The following PTPRN2 variants were observed in gnomAD, a reference collection of about 807,000 sequenced individuals.
The protein encoded by PTPRN2 is protein tyrosine phosphatase receptor type N2, also known as receptor-type tyrosine-protein phosphatase N2.
PTPRN2 carries 74 observed loss-of-function variants against 118.8 expected under a neutral mutation model. The ratio of observed to expected loss-of-function variants is 0.62; its 90% CI spans 0.52 to 0.76. PTPRN2 has a LOEUF of 0.76. PTPRN2 is among the 30% of genes least tolerant of loss of function. The pLI is 0.00. For missense variants in PTPRN2, 1,481 were observed against 1,394.4 expected, an observed-to-expected ratio of 1.06 and a Z score of -0.99; for synonymous variants, 641 against 608.0, an observed-to-expected ratio of 1.05 and a Z score of -0.80.
At chr7:157,730,192 C>CCA (rs1799815771) in intron 12 of PTPRN2, among the ~76,000 whole-genome samples, 1 of 152,024 alleles carries the variant, frequency 6.6e-6, no homozygotes, top group South Asian at 2.1e-4. Flanking sequence ...ACCCCTGCCC[C>CCA]CCCCCGGGCA....
chr7:158,172,229 C>A (rs1823765119), intron 5 of PTPRN2, among the ~76,000 whole-genome samples: 1 of 152,194 alleles, frequency 6.6e-6, no homozygotes, highest in Non-Finnish European at 1.5e-5. Flanking sequence ...AGTTATCTAA[C>A]CTCTTGAAGT....
intron 2 of PTPRN2, among the ~76,000 whole-genome samples, chr7:158,448,978 T>C (rs1172040799): frequency 6.6e-6 from 1 of 152,084 alleles, no homozygotes; most frequent in Non-Finnish European, 1.5e-5. Context: ...CCGCCTCCTC[T>C]CAACAGATGT....
At chr7:158,425,715 T>G (rs368017885) in intron 2 of PTPRN2, among the ~76,000 whole-genome samples, 113 of 4,890 alleles carry the variant, frequency 0.023, no homozygotes, top group South Asian at 0.037. Flanking sequence ...AAAGACGCGG[T>G]GTCCGAGTCC....
chr7:158,577,949 G>GGCACA (rs1319306415), intron 1 of PTPRN2, among the ~76,000 whole-genome samples: 1 of 152,062 alleles, frequency 6.6e-6, no homozygotes, highest in Non-Finnish European at 1.5e-5. Flanking sequence ...CAGGAAGATG[G>GGCACA]GCACAGCAAG....
intron 11 of PTPRN2, among the ~76,000 whole-genome samples, chr7:157,908,525 G>A (rs1330184133): frequency 6.6e-6 from 1 of 152,156 alleles, no homozygotes; most frequent in Non-Finnish European, 1.5e-5. Flanking sequence ...TTTGCACGTC[G>A]GCTCACAGCT....
chr7:157,966,390 T>A (rs1407361097), intron 11 of PTPRN2, among the ~76,000 whole-genome samples: 1 of 151,988 alleles, frequency 6.6e-6, no homozygotes, highest in Non-Finnish European at 1.5e-5. Context: ...ACCATCATCT[T>A]CATCACTATC....
chr7:158,533,421 C>T (rs1825397339), intron 1 of PTPRN2, among the ~76,000 whole-genome samples: 1 of 152,228 alleles, frequency 6.6e-6, no homozygotes, highest in African/African-American at 2.4e-5. Context: ...CAGACACAAA[C>T]CATCCAAGGA....
rs996743699 is a variant in PTPRN2 at position 157,813,283 on chromosome 7, C to T, written c.1788+85390G>A. Among the ~76,000 whole-genome samples the T allele has an allele frequency of 6.6e-6, 1 of 152,160 alleles. No individual in the cohort carries two copies. Among genetic ancestry groups the T allele is most frequent in the Non-Finnish European group, 1.5e-5 (1 of 68,046 alleles). On this transcript the variant is annotated intron_variant, in intron 12 of 22. Coordinates refer to ENST00000389418, the MANE Select transcript of PTPRN2 (RefSeq NM_002847.5). This position sits in a 1 kb window ranked among gnomAD's most constrained non-coding sequence, Gnocchi z 4.7. ...TTGGGACCCCTCACCCTGCCCGGTC[C>T]TCCTGCTGTGGGGTGTGAGTCCAGC...
intron 12 of PTPRN2, chr7:157,857,822 G>A (rs1013008445): frequency 6.6e-6 from 1 of 152,558 alleles, no homozygotes; most frequent in Admixed American, 6.5e-5. Context: ...ATGTGAGCAG[G>A]CGTGGTCCTG....
chr7:158,492,991 C>T (rs1821572284), intron 1 of PTPRN2, among the ~76,000 whole-genome samples: 1 of 152,240 alleles, frequency 6.6e-6, no homozygotes. Context: ...AAGCCAACAG[C>T]GGCCTGTGGG....
intron 2 of PTPRN2, among the ~76,000 whole-genome samples, chr7:158,379,897 C>CA (rs1010722336): frequency 6.6e-6 from 1 of 152,142 alleles, no homozygotes; most frequent in African/African-American, 2.4e-5. Flanking sequence ...CAAAGAGGAG[C>CA]AAAGTCACAT....
intron 11 of PTPRN2, among the ~76,000 whole-genome samples, chr7:158,026,137 A>T (rs1332886908): frequency 6.6e-6 from 1 of 152,212 alleles, no homozygotes; most frequent in Non-Finnish European, 1.5e-5. Context: ...GGAGGGAAGG[A>T]GCTCGGTGAG....
At chr7:157,718,241 T>C (rs192102052) in intron 12 of PTPRN2, among the ~76,000 whole-genome samples, 3 of 152,394 alleles carry the variant, frequency 2.0e-5, no homozygotes, top group Admixed American at 6.5e-5. Context: ...TTTTGAACTA[T>C]CAGCTATTTC....
intron 4 of PTPRN2, among the ~76,000 whole-genome samples, chr7:158,201,088 C>A (rs6977941): frequency 0.48 from 72,389 of 150,254 alleles, 18,949 homozygotes; most frequent in African/African-American, 0.7. Context: ...GTCTCACTCT[C>A]TCTCCCAGGC....
intron 12 of PTPRN2, among the ~76,000 whole-genome samples, chr7:157,797,635 G>A (rs1030414072): frequency 6.6e-6 from 1 of 152,220 alleles, no homozygotes; most frequent in Admixed American, 6.5e-5. Context: ...TCGGTGGCAG[G>A]GCCTGGCCAG....
chr7:157,548,919 G>C (rs1012551828), intron 22 of PTPRN2, 27 bp downstream of exon 22: 2 of 1,607,546 alleles, frequency 1.2e-6, no homozygotes, highest in East Asian at 4.5e-5. Context: ...GAATGGGTCT[G>C]CGTCCCGGAG....
chr7:158,236,418 C>A (rs1022705685), intron 3 of PTPRN2, among the ~76,000 whole-genome samples: 1 of 152,176 alleles, frequency 6.6e-6, no homozygotes, highest in East Asian at 1.9e-4. Flanking sequence ...AGAAGCCACA[C>A]CAGACAAACG....
At chr7:158,417,703 T>C (rs1814822381) in intron 2 of PTPRN2, among the ~76,000 whole-genome samples, 1 of 132,620 alleles carries the variant, frequency 7.5e-6, no homozygotes, top group Admixed American at 7.8e-5. Context: ...ATCGAGATGC[T>C]CTAGCTCTCA....
At chr7:157,915,384 T>C (rs1360829129) in intron 11 of PTPRN2, among the ~76,000 whole-genome samples, 1 of 152,148 alleles carries the variant, frequency 6.6e-6, no homozygotes, top group Non-Finnish European at 1.5e-5. Flanking sequence ...TGCAGTGGGA[T>C]TGTACATCCC....
Sources: gnomAD v4.1 joint callset for allele counts (sites outside exome capture counted in the v4.1 genomes callset) on GRCh38, gnomAD v4.1.1 for gene constraint, Gnocchi (gnomAD v3.1) non-coding constraint, MANE v1.5 for transcripts, NCBI Gene and HGNC (gene_info 2026-07-23, HGNC 2026-07-21) for gene names.